The following CHTF18 variants were observed in gnomAD, a reference collection of about 807,000 sequenced individuals.
CHTF18 encodes chromosome transmission fidelity factor 18.
In CHTF18, 151 loss-of-function variants were observed where a neutral mutation model predicts 113.4. The ratio of observed to expected loss-of-function variants is 1.33; its 90% CI spans 1.17 to 1.52. The LOEUF is 1.52. CHTF18 is among the 40% of genes most tolerant of loss of function. The probability of loss-of-function intolerance (pLI) is 0.00; values close to 1 mark genes in which losing one functional copy is unlikely to be tolerated. For missense variants in CHTF18, 1,982 were observed against 1,381.6 expected, an observed-to-expected ratio of 1.43 and a Z score of -6.89; for synonymous variants, 916 against 598.8, an observed-to-expected ratio of 1.53 and a Z score of -7.74.
At chr16:797,572 GA>G in intron 20 of CHTF18, 121 bp from the exon 21 acceptor site, 2 of 1,060,560 alleles carry the variant, frequency 1.9e-6, no homozygotes, top group Non-Finnish European at 2.8e-6. Flanking sequence ...GCCAGGTTCC[GA>G]AAGGTGTCTC....
rs986936884 is a variant in CHTF18 at position 791,517 on chromosome 16, A to G, written c.1104+147A>G. ...TGAAGCGCCATTAGCGTGAGTTAGAACTGGAGCGTTGCAGTAACAACTCGG... is the reference window on the plus strand; with the variant it reads ...TGAAGCGCCATTAGCGTGAGTTAGAGCTGGAGCGTTGCAGTAACAACTCGG... On this transcript the variant is annotated intron_variant, in intron 8 of 21. Transcript: ENST00000262315. The G allele has an allele frequency of 2.9e-5, 41 of 1,438,194 alleles. 1 individual carries two copies. The East Asian group carries it at 9.0e-4, about 32-fold the overall frequency. 89.1% of individuals were successfully genotyped at this position (1,438,194 alleles called of 1,614,324 possible).
chr16:793,524 T>C, intron 14 of CHTF18: 1 of 594,214 alleles, frequency 1.7e-6, no homozygotes, highest in South Asian at 2.0e-5. Flanking sequence ...TGGTGGGGCC[T>C]CCAGGGCGTC....
chr16:790,510 C>T lies in CHTF18; in HGVS notation c.753-15C>T, dbSNP rs375380803. On this transcript the variant is annotated splice_polypyrimidine_tract_variant and intron_variant, in intron 6 of 21. Coordinates refer to ENST00000262315, the MANE Select transcript of CHTF18 (RefSeq NM_022092.3). ...CCTGCGAGTTGTTTGTGGCTCAGGA[C>T]GTGGTCCTCTCCAGTCTCAGGTCGG... The T allele has an allele frequency of 7.5e-6, 12 of 1,603,754 alleles. No homozygotes were observed. The highest frequency in any genetic ancestry group is 2.7e-5 in the African/African-American group (2 of 74,694).
chr16:790,896 T>C (rs2042179031), intron 7 of CHTF18: 1 of 1,432,678 alleles, frequency 7.0e-7, no homozygotes, highest in Non-Finnish European at 9.1e-7. Flanking sequence ...GATCCAAGTC[T>C]CTGTTCCCTT....
At position 797,077 on chromosome 16, in the gene CHTF18, G is replaced by A. The variant is rs754194710; in HGVS notation, c.2718G>A (p.Ala906=). The change falls in exon 20 of 22, where the codon GCG becomes GCA. Residue 906 remains alanine, a synonymous_variant. Transcript: ENST00000262315. ...EQRLEHIMRR[A]AREEQPEKDF... ...GGCTGGAGCACATCATGAGGCGAGC[G>A]GCCCGGGAGGAACAGGTGTGGAATG... 7.2e-6 allele frequency: 11 copies of A among 1,530,978 alleles called. No individual in the cohort carries two copies. Among genetic ancestry groups the A allele is most frequent in the Middle Eastern group, 3.6e-4 (2 of 5,610 alleles). The allele number at this position is 1,530,978 out of a possible 1,614,324, so 94.8% of individuals were successfully genotyped here.
At position 791,201 on chromosome 16, in the gene CHTF18, A is replaced by T; in HGVS notation, c.935A>T (p.Asp312Val). 4 of 1,611,612 alleles carry T rather than the reference A, an allele frequency of 2.5e-6. No homozygotes were observed. Among genetic ancestry groups the T allele is most frequent in the Non-Finnish European group, 3.4e-6 (4 of 1,179,536 alleles). Residue 312 changes from aspartate to valine, a missense_variant, in exon 8 of 22, where the codon GAC becomes GTC. By Grantham distance (152) the Asp-to-Val change is radical. Transcript: ENST00000262315. Reference sequence around the variant, plus strand: ...CTGCTCAAGTGGCTGAAGTTGTGGGACCTGGTGGTGTTTGGCCACGAGAGG... The same window carrying T: ...CTGCTCAAGTGGCTGAAGTTGTGGGTCCTGGTGGTGTTTGGCCACGAGAGG... Reference protein sequence around the residue: ...RCLLKWLKLWDLVVFGHERPS... With the variant: ...RCLLKWLKLWVLVVFGHERPS...
rs1192876020 is a variant in CHTF18 at position 788,741 on chromosome 16, C to T, written c.57C>T (p.Phe19=). The change falls in exon 1 of 22, where the codon TTC becomes TTT. Residue 19 remains phenylalanine (F), a synonymous_variant. Transcript: ENST00000262315. ...TCGAGGATGATTTCCACAACCAGTT[C>T]GCGGCCGAGCTGGAGGTGCTGGCAG... ...CGVEDDFHNQ[F]AAELEVLAEL... is the part of the protein sequence containing the mutation. The T allele has an allele frequency of 2.5e-6, 4 of 1,602,294 alleles. No homozygotes were observed. The highest frequency in any genetic ancestry group is 1.7e-4 in the Middle Eastern group (1 of 6,028).
rs370688299 is a variant in CHTF18, at chr16:791,391, C to T, written c.1104+21C>T. On this transcript the variant is annotated intron_variant, in intron 8 of 21. Coordinates refer to ENST00000262315, the MANE Select transcript of CHTF18 (RefSeq NM_022092.3). ...AGAAGGTGAGCCCCGCTGGCTGTGC[C>T]GCCGGGAACAAGCCTGAGGCTTTGC... The T allele has an allele frequency of 2.5e-4, 396 of 1,580,214 alleles. No homozygotes were observed. The East Asian group carries it at 3.0e-3, about 12-fold the overall frequency.
chr16:790,397 C>A lies in CHTF18; in HGVS notation c.750C>A (p.His250Gln). Reference protein sequence around the residue: ...QEAQKLSDTLHSLRSGEEEAA... With the variant: ...QEAQKLSDTLQSLRSGEEEAA... ...CCCAGAAGCTTTCAGACACCCTGCA[C>A]AGGTGACTTGGTTGGCCCTTCCGCC... The change falls in exon 6 of 22, where the codon CAC becomes CAA. Residue 250 changes from histidine to glutamine, a missense_variant and splice_region_variant. By Grantham distance (24) the His-to-Gln change is conservative (BLOSUM62 0). Coordinates refer to ENST00000262315, the MANE Select transcript of CHTF18 (RefSeq NM_022092.3). 1.2e-6 allele frequency: 2 copies of A among 1,612,434 alleles called. No individual in the cohort carries two copies. The highest frequency in any genetic ancestry group is 8.5e-7 in the Non-Finnish European group (1 of 1,179,784).
Position 797,030 on chromosome 16 carries a change from GC to G in CHTF18, c.2675del (p.Pro892HisfsTer12). The G allele has an allele frequency of 6.4e-7, 1 of 1,561,110 alleles. No homozygotes were observed. Among genetic ancestry groups the G allele is most frequent in the Non-Finnish European group, 8.7e-7 (1 of 1,153,432 alleles). ...GIGEKGVHRP[A>X]PRNHEQRLEH... is the part of the protein sequence containing the mutation. ...TGGGGAGAAAGGGGTGCACCGACCTGCCCCACGCAACCATGAGCAGCGGCTG... is the reference window on the plus strand; with the variant it reads ...TGGGGAGAAAGGGGTGCACCGACCTGCCCACGCAACCATGAGCAGCGGCTG... On this transcript the variant is annotated frameshift_variant, in exon 20 of 22. Coordinates refer to ENST00000262315, the MANE Select transcript of CHTF18 (RefSeq NM_022092.3). LOFTEE classifies it high-confidence loss of function.
rs369218783 is a variant in CHTF18 at position 797,716 on chromosome 16, G to A, written c.2756G>A (p.Arg919His). ...CAGCCTGAGAAGGACTTCTTTGGACGTGTGGTCGTCAGGAGCACAGCAGTC... is the reference window on the plus strand; with the variant it reads ...CAGCCTGAGAAGGACTTCTTTGGACATGTGGTCGTCAGGAGCACAGCAGTC... ...EEQPEKDFFG[R>H]VVVRSTAVPS... Residue 919 changes from arginine to histidine, a missense_variant, in exon 21 of 22, where the codon CGT becomes CAT. Coordinates refer to ENST00000262315, the MANE Select transcript of CHTF18 (RefSeq NM_022092.3). The A allele has an allele frequency of 4.3e-6, 7 of 1,611,156 alleles. No homozygotes were observed. The highest frequency in any genetic ancestry group is 2.2e-5 in the South Asian group (2 of 90,986).
chr16:792,340 C>A lies in CHTF18; in HGVS notation c.1319C>A (p.Ala440Asp). The change falls in exon 10 of 22, where the codon GCC becomes GAC. Residue 440 changes from alanine (A) to aspartate (D), a missense_variant. Ala to Asp is a moderately radical substitution (Grantham distance 126). Coordinates refer to ENST00000262315, the MANE Select transcript of CHTF18 (RefSeq NM_022092.3). ...NCLVIDEIDG[A>D]PVAAINVLLS... is the part of the protein sequence containing the mutation. ...CTGGTCATCGATGAGATCGACGGGG[C>A]CCCCGTGGTGGGCTCCTTGATGCCT... 2 of 1,554,132 alleles carry A rather than the reference C, an allele frequency of 1.3e-6. No homozygotes were observed. The highest frequency in any genetic ancestry group is 1.7e-6 in the Non-Finnish European group (2 of 1,149,350).
chr16:790,238 T>TA lies in CHTF18; in HGVS notation c.669dup (p.Ala224SerfsTer44). On this transcript the variant is annotated frameshift_variant, in exon 5 of 22. Coordinates refer to ENST00000262315, the MANE Select transcript of CHTF18 (RefSeq NM_022092.3). LOFTEE classifies it high-confidence loss of function. ...CAGCTGGACCTGCTGGGTGTGTCCT[T>TA]AGCCTCCCTGAAGAAGCAGGTCGAC... 1 of 1,606,914 alleles carries TA rather than the reference T, an allele frequency of 6.2e-7. No homozygotes were observed. Among genetic ancestry groups the TA allele is most frequent in the South Asian group, 1.1e-5 (1 of 89,830 alleles).
At position 789,239 on chromosome 16, in the gene CHTF18, G is replaced by T. The variant is rs912090633; in HGVS notation, c.316G>T (p.Val106Leu). Residue 106 changes from valine (V) to leucine (L), a missense_variant, in exon 3 of 22, where the codon GTG (valine) becomes TTG (leucine). Transcript: ENST00000262315. ...CAGGATCAAACGGCCTAGGCTGCAG[G>T]TGGTCAAGAGGCTGAACTTCAGATC... ...APRIKRPRLQ[V>L]VKRLNFRSEE... 1.3e-6 allele frequency: 2 copies of T among 1,554,674 alleles called. No individual in the cohort carries two copies. The highest frequency in any genetic ancestry group is 1.7e-6 in the Non-Finnish European group (2 of 1,149,718).
chr16:792,806 C>T lies in CHTF18; in HGVS notation c.1567C>T (p.Gln523Ter). Residue 523 changes from glutamine to a stop codon, truncating the protein, a stop_gained, in exon 12 of 22, where the codon CAG becomes TAG. Transcript: ENST00000262315. LOFTEE classifies it high-confidence loss of function. ...TLPSRLVQRLQEVSLRQGMRA... is the reference protein window; with the variant it reads ...TLPSRLVQRL ...GCCCTCGAGGCTGGTGCAGCGGCTC[C>T]AGGAGGTCGGTGGAGCCCCAGGAGC... is the stretch of plus-strand genomic sequence containing the variant. 6 of 1,541,006 alleles carry T rather than the reference C, an allele frequency of 3.9e-6. No individual in the cohort carries two copies. Among genetic ancestry groups the T allele is most frequent in the Non-Finnish European group, 5.2e-6 (6 of 1,147,398 alleles).
rs1306159006 is a variant in CHTF18, at chr16:790,577, G to A, written c.805G>A (p.Glu269Lys). Residue 269 changes from glutamate (E) to lysine (K), a missense_variant, in exon 7 of 22, where the codon GAG (glutamate) becomes AAG (lysine). Coordinates refer to ENST00000262315, the MANE Select transcript of CHTF18 (RefSeq NM_022092.3). ...AAQPLGAPEEEPTDGQDASSH... is the reference protein window; with the variant it reads ...AAQPLGAPEEKPTDGQDASSH... ...CCAGCCCTTGGGGGCCCCTGAGGAG[G>A]AGCCGACTGACGGTCAAGACGCCTC... The A allele has an allele frequency of 3.8e-6, 6 of 1,596,546 alleles. No homozygotes were observed. The highest frequency in any genetic ancestry group is 2.3e-5 in the East Asian group (1 of 44,130).
In CHTF18 at chr16:789,015, G is replaced by T. The variant is rs1214761237; in HGVS notation, c.176G>T (p.Gly59Val). Residue 59 changes from glycine (G) to valine (V), a missense_variant, in exon 2 of 22, where the codon GGG (glycine) becomes GTG (valine). Coordinates refer to ENST00000262315, the MANE Select transcript of CHTF18 (RefSeq NM_022092.3). ...ACGTTCGAGGAGGCCCTTGCCAGAG[G>T]GGACGCGGCCTCCAGTCCCGCCCCA... ...PRTFEEALAR[G>V]DAASSPAPAA... The T allele has an allele frequency of 6.5e-7, 1 of 1,544,014 alleles. No homozygotes were observed. The highest frequency in any genetic ancestry group is 2.4e-5 in the East Asian group (1 of 41,018).
intron 4 of CHTF18, 35 bp from the exon 5 acceptor site, chr16:790,142 G>A: frequency 6.4e-7 from 1 of 1,560,910 alleles, no homozygotes; most frequent in Non-Finnish European, 8.7e-7. Context: ...TGACCTAGGA[G>A]GGGCCCAGAG....
chr16:791,526 T>A, intron 8 of CHTF18, 156 bp downstream of exon 8: 7 of 1,436,114 alleles, frequency 4.9e-6, no homozygotes, highest in Non-Finnish European at 5.5e-6. Context: ...AACTGGAGCG[T>A]TGCAGTAACA....
Sources: gnomAD v4.1 joint callset for allele counts on GRCh38, gnomAD v4.1.1 for gene constraint, MANE v1.5 for transcripts, NCBI Gene and HGNC (gene_info 2026-07-23, HGNC 2026-07-21) for gene names.